UBAP2: variants seen among roughly 807,000 people sequenced by gnomAD.
The protein encoded by UBAP2 is ubiquitin associated protein 2, also known as ubiquitin-associated protein 2.
Under a neutral mutation model 139.6 loss-of-function variants are expected in UBAP2, and 75 were observed. The observed-to-expected ratio is 0.54, with a 90% CI of 0.45 to 0.65. The LOEUF is 0.65. UBAP2 is among the 30% of genes least tolerant of loss of function. UBAP2 has a pLI of 0.00. For missense variants in UBAP2, 1,368 were observed against 1,369.6 expected, an observed-to-expected ratio of 1.00 and a Z score of 0.02; for synonymous variants, 526 against 526.2, an observed-to-expected ratio of 1.00 and a Z score of 0.01.
intron 5 of UBAP2, 29 bp downstream of exon 5, chr9:33,988,943 GA>G (rs776858373): frequency 4.3e-5 from 69 of 1,589,382 alleles, no homozygotes; most frequent in Non-Finnish European, 5.3e-5. Context: ...TGAAAGAAGA[GA>G]AAAAACTGAG....
At chr9:34,023,841 G>A (rs1429362836) in intron 1 of UBAP2, among the ~76,000 whole-genome samples, 3 of 151,692 alleles carry the variant, frequency 2.0e-5, no homozygotes, top group Non-Finnish European at 4.4e-5. Flanking sequence ...TCAGGAGATC[G>A]AGGCCATCCT....
In UBAP2 at chr9:34,002,027, G is replaced by C. The variant is rs192333071; in HGVS notation, c.100-3163C>G. Among the ~76,000 whole-genome samples, 17 of 150,860 alleles carry C rather than the reference G, an allele frequency of 1.1e-4. No individual in the cohort carries two copies. The East Asian group carries it at 3.3e-3, about 29-fold the overall frequency. On this transcript the variant is annotated intron_variant, in intron 2 of 28. Coordinates refer to ENST00000379238, the MANE Select transcript of UBAP2 (RefSeq NM_001370062.2). ...GTTGGAATGCAGTGGCACAATCACAGCTCACCATGGCCTCGACCTCCCAGG... is the reference window on the plus strand; with the variant it reads ...GTTGGAATGCAGTGGCACAATCACACCTCACCATGGCCTCGACCTCCCAGG...
chr9:34,000,804 G>A (rs1323509653), intron 2 of UBAP2, among the ~76,000 whole-genome samples: 1 of 152,134 alleles, frequency 6.6e-6, no homozygotes, highest in African/African-American at 2.4e-5. Flanking sequence ...CATGTGGGTG[G>A]GTGATTATAC....
chr9:33,948,023 A>T (rs1254979438), intron 13 of UBAP2, among the ~76,000 whole-genome samples: 1 of 150,624 alleles, frequency 6.6e-6, no homozygotes, highest in African/African-American at 2.4e-5. Flanking sequence ...TGTTTTCCAC[A>T]TTCTATGTTC....
intron 2 of UBAP2, among the ~76,000 whole-genome samples, chr9:34,015,494 A>AT (rs11350848): frequency 2.7e-5 from 4 of 148,710 alleles, no homozygotes; most frequent in East Asian, 3.9e-4. Context: ...TAATTTTCGT[A>AT]TTTTTTTTTT....
chr9:33,965,380 T>C (rs1274828201), intron 8 of UBAP2, among the ~76,000 whole-genome samples: 1 of 152,222 alleles, frequency 6.6e-6, no homozygotes. Context: ...TATATAAACA[T>C]TTTCTCCAAG....
Position 33,927,033 on chromosome 9 carries a change from T to C in UBAP2, c.2419A>G (p.Asn807Asp). Residue 807 changes from asparagine (N) to aspartate (D), a missense_variant, in exon 21 of 29, where the codon AAC (asparagine) becomes GAC (aspartate). Physicochemically the swap from Asn to Asp is conservative, Grantham distance 23. Coordinates refer to ENST00000379238, the MANE Select transcript of UBAP2 (RefSeq NM_001370062.2). ...CCTCCGGGACCTACGAGGTACTGGTTGTGCAGCAGGGGAGGCACCCCCTGA... is the reference window on the plus strand; with the variant it reads ...CCTCCGGGACCTACGAGGTACTGGTCGTGCAGCAGGGGAGGCACCCCCTGA... ...LPQGVPPLLH[N>D]QYLVGPGGLL... 6.2e-7 allele frequency: 1 copy of C among 1,614,004 alleles called. No individual in the cohort carries two copies. Among genetic ancestry groups the C allele is most frequent in the South Asian group, 1.1e-5 (1 of 91,082 alleles).
intron 8 of UBAP2, among the ~76,000 whole-genome samples, chr9:33,967,173 A>G (rs1827531864): frequency 1.3e-5 from 2 of 151,902 alleles, no homozygotes; most frequent in Admixed American, 1.3e-4. Flanking sequence ...TTTGTTGATG[A>G]TTTATAGAAA....
intron 6 of UBAP2, among the ~76,000 whole-genome samples, chr9:33,974,215 A>G (rs1164250492): frequency 6.6e-6 from 1 of 152,162 alleles, no homozygotes; most frequent in Admixed American, 6.5e-5. Flanking sequence ...ATCTGTAACA[A>G]AACACATATT....
chr9:34,028,541 G>A (rs527919383), intron 1 of UBAP2, among the ~76,000 whole-genome samples: 57 of 151,806 alleles, frequency 3.8e-4, no homozygotes, highest in African/African-American at 1.2e-3. Context: ...CACCACGCCC[G>A]GCTAATTTTT....
At chr9:33,982,765 T>TA (rs1284749995) in intron 6 of UBAP2, among the ~76,000 whole-genome samples, 1 of 152,148 alleles carries the variant, frequency 6.6e-6, no homozygotes, top group African/African-American at 2.4e-5. Flanking sequence ...TTAGTCTAAA[T>TA]AGAACCAAGG....
intron 24 of UBAP2, among the ~76,000 whole-genome samples, 157 bp downstream of exon 24, chr9:33,923,638 G>A (rs1823139372): frequency 6.6e-6 from 1 of 152,184 alleles, no homozygotes; most frequent in African/African-American, 2.4e-5. Context: ...CACAGCAGGG[G>A]AAAAGTGACC....
chr9:33,979,404 C>G (rs1021083709), intron 6 of UBAP2, among the ~76,000 whole-genome samples: 1 of 152,032 alleles, frequency 6.6e-6, no homozygotes, highest in Non-Finnish European at 1.5e-5. Flanking sequence ...AGAGAAATCC[C>G]GTCTCTACTG....
At chr9:33,999,911 T>G (rs1822554119) in intron 2 of UBAP2, among the ~76,000 whole-genome samples, 1 of 146,830 alleles carries the variant, frequency 6.8e-6, no homozygotes, top group Non-Finnish European at 1.5e-5. Context: ...TGTATGTTAT[T>G]TTGAGATGGA....
intron 12 of UBAP2, among the ~76,000 whole-genome samples, chr9:33,950,076 T>C (rs1360510879): frequency 6.6e-6 from 1 of 152,098 alleles, no homozygotes; most frequent in Non-Finnish European, 1.5e-5. Context: ...TCTTTTCTTT[T>C]TTCTTTTTTG....
intron 16 of UBAP2, among the ~76,000 whole-genome samples, chr9:33,936,926 C>CAAAAAAAAAAAAAAAAA (rs66465145): frequency 1.7e-5 from 1 of 59,788 alleles, no homozygotes; most frequent in African/African-American, 7.2e-5. Flanking sequence ...AACTCCAGCT[C>CAAAAAAAAAAAAAAAAA]AAAAAAAAAA....
chr9:33,988,154 T>C (rs1821370136), intron 5 of UBAP2, among the ~76,000 whole-genome samples: 1 of 152,014 alleles, frequency 6.6e-6, no homozygotes. Context: ...TAAAATATAT[T>C]AATATAAAAT....
At chr9:34,045,055 G>C (rs568867172) in intron 1 of UBAP2, among the ~76,000 whole-genome samples, 6 of 151,622 alleles carry the variant, frequency 4.0e-5, no homozygotes, top group Non-Finnish European at 8.8e-5. Context: ...GTTTACAAAC[G>C]GGTAAAAAAA....
chr9:33,956,277 T>C (rs1826557577), intron 10 of UBAP2, 131 bp from the exon 11 acceptor site: 1 of 567,020 alleles, frequency 1.8e-6, no homozygotes. Flanking sequence ...GAAAATGAAA[T>C]ATACAAGTGA....
Sources: allele counts gnomAD v4.1 joint callset (sites outside exome capture counted in the v4.1 genomes callset), GRCh38; gene constraint gnomAD v4.1.1; transcripts MANE v1.5; gene names NCBI Gene and HGNC (gene_info 2026-07-23, HGNC 2026-07-21).